The following KCNAB1 variants were observed in gnomAD, a reference collection of about 807,000 sequenced individuals.
KCNAB1 encodes the protein potassium voltage-gated channel subfamily A regulatory beta subunit 1, also known as voltage-gated potassium channel subunit beta-1.
In KCNAB1, 35 loss-of-function variants were observed where a neutral mutation model predicts 64.6. The observed-to-expected ratio is 0.54, with a 90% CI of 0.41 to 0.72. The LOEUF (loss-of-function observed/expected upper bound fraction) is 0.72, where lower values mean the gene tolerates loss of function less well. KCNAB1 is among the 30% of genes least tolerant of loss of function. The pLI, the probability that KCNAB1 is intolerant of heterozygous loss-of-function variation, is 0.00. For synonymous variants in KCNAB1, 177 were observed against 183.8 expected (o/e 0.96, Z 0.30); for missense variants, 401 against 512.9 (o/e 0.78, Z 2.11).
chr3:156,179,438 C>A (rs1712650471), intron 1 of KCNAB1, among the ~76,000 whole-genome samples: 2 of 137,232 alleles, frequency 1.5e-5, no homozygotes, highest in Non-Finnish European at 3.2e-5. Context: ...ACCCCCTCAC[C>A]CCCTGCGTTC....
At chr3:156,530,252 A>G (rs1202483315) in intron 12 of KCNAB1, among the ~76,000 whole-genome samples, 2 of 152,156 alleles carry the variant, frequency 1.3e-5, no homozygotes. Flanking sequence ...AAAAGGAGAT[A>G]TCTCCAAGGC....
At chr3:156,401,211 T>G (rs183727551) in intron 1 of KCNAB1, among the ~76,000 whole-genome samples, 15 of 152,378 alleles carry the variant, frequency 9.8e-5, no homozygotes, top group African/African-American at 3.6e-4. Context: ...TGAAGTAGAA[T>G]GTAAACAGAA....
intron 1 of KCNAB1, among the ~76,000 whole-genome samples, chr3:156,231,093 C>G (rs1716494405): frequency 6.6e-6 from 1 of 152,210 alleles, no homozygotes; most frequent in Non-Finnish European, 1.5e-5. Context: ...CCTCCTCTTA[C>G]AGATTTATCT....
chr3:156,277,861 C>A (rs1719434993), intron 1 of KCNAB1, among the ~76,000 whole-genome samples: 1 of 152,164 alleles, frequency 6.6e-6, no homozygotes, highest in African/African-American at 2.4e-5. Flanking sequence ...TACATTCCCA[C>A]CAACAGTGTA....
chr3:156,158,909 C>G (rs1715912986), intron 1 of KCNAB1, among the ~76,000 whole-genome samples: 1 of 152,164 alleles, frequency 6.6e-6, no homozygotes, highest in Admixed American at 6.5e-5. Context: ...CATTGTTTGT[C>G]TCTGAACTAC....
rs576477154 is a variant in KCNAB1, at chr3:156,330,169, G to A, written c.276-91447G>A. On this transcript the variant is annotated intron_variant, in intron 1 of 13. Coordinates refer to ENST00000490337, the MANE Select transcript of KCNAB1 (RefSeq NM_172160.3). ...AAAGTGGGGAGAAACAATGAAAAGT[G>A]AGGAAATTGGACTTTCTATGGCTTA... 9.2e-5 allele frequency among the ~76,000 whole-genome samples: 14 copies of A among 152,224 alleles called. No homozygotes were observed. The South Asian group carries it at 2.9e-3, about 32-fold the overall frequency.
intron 1 of KCNAB1, among the ~76,000 whole-genome samples, chr3:156,285,070 T>C (rs968968464): frequency 2.0e-5 from 3 of 152,218 alleles, no homozygotes; most frequent in Non-Finnish European, 2.9e-5. Flanking sequence ...GGAGGCAGCG[T>C]GAGTTTAAAA....
chr3:156,259,839 G>A (rs534564525), intron 1 of KCNAB1, among the ~76,000 whole-genome samples: 126 of 152,142 alleles, frequency 8.3e-4, no homozygotes, highest in Middle Eastern at 3.4e-3. Context: ...CTGCTTTGTC[G>A]CCCCATCCCA....
intron 1 of KCNAB1, among the ~76,000 whole-genome samples, chr3:156,244,565 T>C (rs940028966): frequency 1.3e-5 from 2 of 152,212 alleles, no homozygotes. Flanking sequence ...CTGAGTCTTC[T>C]CTTCCAGATT....
intron 1 of KCNAB1, among the ~76,000 whole-genome samples, chr3:156,358,553 A>G (rs1458570687): frequency 1.3e-5 from 2 of 152,182 alleles, no homozygotes; most frequent in Non-Finnish European, 2.9e-5. Flanking sequence ...ACATCTCTGC[A>G]ATTTCCTTGA....
chr3:156,286,921 A>C (rs1314106961), intron 1 of KCNAB1, among the ~76,000 whole-genome samples: 1 of 152,108 alleles, frequency 6.6e-6, no homozygotes, highest in Non-Finnish European at 1.5e-5. Context: ...TCTGAGTCTC[A>C]TGTTTCTTCA....
intron 1 of KCNAB1, among the ~76,000 whole-genome samples, chr3:156,311,714 T>C (rs1576709577): frequency 6.6e-6 from 1 of 152,122 alleles, no homozygotes; most frequent in Admixed American, 6.5e-5. Flanking sequence ...AGATGGCTGG[T>C]GTGTGAGAGA....
intron 1 of KCNAB1, among the ~76,000 whole-genome samples, chr3:156,355,412 A>T (rs1222198044): frequency 1.3e-5 from 2 of 152,180 alleles, no homozygotes; most frequent in Non-Finnish European, 2.9e-5. Flanking sequence ...GTTAAGGGAG[A>T]TGTCCTCATT....
intron 1 of KCNAB1, among the ~76,000 whole-genome samples, chr3:156,134,964 A>T (rs1377105705): frequency 6.6e-6 from 1 of 152,092 alleles, no homozygotes; most frequent in Non-Finnish European, 1.5e-5. Flanking sequence ...ATATTTGGGA[A>T]TTCAAAATAT....
At chr3:156,407,125 G>A (rs1714299460) in intron 1 of KCNAB1, among the ~76,000 whole-genome samples, 2 of 152,268 alleles carry the variant, frequency 1.3e-5, no homozygotes, top group South Asian at 4.1e-4. Flanking sequence ...GGTTAAGCTG[G>A]TTGCTAGCAA....
intron 1 of KCNAB1, among the ~76,000 whole-genome samples, chr3:156,317,822 T>C (rs1192375342): frequency 1.3e-5 from 2 of 152,202 alleles, no homozygotes; most frequent in Non-Finnish European, 2.9e-5. Context: ...ACATGTCTTC[T>C]TGGATTTACT....
At chr3:156,388,461 A>G (rs1350118927) in intron 1 of KCNAB1, among the ~76,000 whole-genome samples, 1 of 152,198 alleles carries the variant, frequency 6.6e-6, no homozygotes, top group African/African-American at 2.4e-5. Context: ...GTCCTTAGAC[A>G]TCCTAATAAT....
intron 2 of KCNAB1, among the ~76,000 whole-genome samples, chr3:156,426,823 G>A (rs1715855728): frequency 6.6e-6 from 1 of 152,108 alleles, no homozygotes; most frequent in African/African-American, 2.4e-5. Flanking sequence ...TCTTTTTAGT[G>A]CTTCATACTA....
At chr3:156,314,559 A>C (rs1722148032) in intron 1 of KCNAB1, among the ~76,000 whole-genome samples, 1 of 152,234 alleles carries the variant, frequency 6.6e-6, no homozygotes, top group African/African-American at 2.4e-5. Flanking sequence ...AGGATTGCCG[A>C]GGATGAGGAA....
Sources: allele counts gnomAD v4.1 joint callset (sites outside exome capture counted in the v4.1 genomes callset), GRCh38; gene constraint gnomAD v4.1.1; transcripts MANE v1.5; gene names NCBI Gene and HGNC (gene_info 2026-07-23, HGNC 2026-07-21).